EWSR1: variants seen among roughly 807,000 people sequenced by gnomAD.
EWSR1 encodes the protein RNA-binding protein EWS.
A neutral mutation model predicts 92.1 loss-of-function variants in EWSR1; 14 were observed. That is an observed-to-expected ratio of 0.15 (90% CI 0.10 to 0.24). The LOEUF is 0.24. Ranked by LOEUF, EWSR1 falls within the 10% of genes least tolerant of loss-of-function variation. The probability of loss-of-function intolerance (pLI) is 1.00; values close to 1 mark genes in which losing one functional copy is unlikely to be tolerated. For missense variants in EWSR1, 637 were observed against 870.9 expected (o/e 0.73, Z 3.38); for synonymous variants, 303 against 292.9 (o/e 1.03, Z -0.35).
Position 29,297,953 on chromosome 22 carries a change from C to G in EWSR1, c.1417+4C>G. On this transcript the variant is annotated splice_donor_region_variant and intron_variant, in intron 13 of 16. Transcript: ENST00000397938. Reference sequence around the variant, plus strand: ...ATGCCACCACCACTCCGTGGAGGTACTTTTTCTGAGCTCCTATGTTGCATT... The same window carrying G: ...ATGCCACCACCACTCCGTGGAGGTAGTTTTTCTGAGCTCCTATGTTGCATT... The G allele has an allele frequency of 3.1e-6, 5 of 1,610,872 alleles. No homozygotes were observed. Among genetic ancestry groups the G allele is most frequent in the Non-Finnish European group, 4.2e-6 (5 of 1,178,712 alleles).
intron 6 of EWSR1, 81 bp downstream of exon 6, chr22:29,282,638 T>G (rs914736816): frequency 6.5e-6 from 8 of 1,230,440 alleles, no homozygotes; most frequent in Non-Finnish European, 8.8e-6. Flanking sequence ...CTTTGACTTC[T>G]TCAGCTAAGG....
At chr22:29,277,006 T>C in intron 4 of EWSR1, 1 of 230,540 alleles carries the variant, frequency 4.3e-6, no homozygotes, top group Non-Finnish European at 8.6e-6. Context: ...TAACACCTCC[T>C]ACAGGAAAGG....
At chr22:29,289,894 A>G (rs941486261) in intron 8 of EWSR1, 9 of 230,962 alleles carry the variant, frequency 3.9e-5, no homozygotes, top group East Asian at 1.2e-4. Context: ...ATGATTCGGT[A>G]TGAAGTAAAA....
intron 11 of EWSR1, among the ~76,000 whole-genome samples, chr22:29,293,451 C>G (rs2060600463): frequency 6.6e-6 from 1 of 152,148 alleles, no homozygotes; most frequent in Non-Finnish European, 1.5e-5. Context: ...CCTTAAAACC[C>G]CAATTGAATA....
At chr22:29,294,784 C>T (rs1015628032) in intron 11 of EWSR1, among the ~76,000 whole-genome samples, 4 of 150,826 alleles carry the variant, frequency 2.7e-5, no homozygotes, top group East Asian at 4.0e-4. Context: ...TGTGGTGACA[C>T]GCGCCTGTAG....
intron 6 of EWSR1, among the ~76,000 whole-genome samples, chr22:29,283,597 C>T (rs2059788322): frequency 6.6e-6 from 1 of 151,144 alleles, no homozygotes; most frequent in Non-Finnish European, 1.5e-5. Context: ...ACAATCTCGG[C>T]TTACTGCAGT....
chr22:29,298,711 T>G lies in EWSR1; in HGVS notation c.1418-22T>G, dbSNP rs750162917. The G allele has an allele frequency of 1.3e-5, 21 of 1,611,868 alleles. No homozygotes were observed. The South Asian group carries it at 2.3e-4, about 18-fold the overall frequency. ...GGTGCTACAGAGAAATGATTTGCTG[T>G]TTCTTGTTGTTCTTGTTGTAGGTCC... On this transcript the variant is annotated intron_variant, in intron 13 of 16. Coordinates refer to ENST00000397938, the MANE Select transcript of EWSR1 (RefSeq NM_005243.4).
At chr22:29,288,374 T>G (rs1324004233) in intron 7 of EWSR1, among the ~76,000 whole-genome samples, 1 of 152,232 alleles carries the variant, frequency 6.6e-6, no homozygotes, top group Non-Finnish European at 1.5e-5. Context: ...TTGTTGTTAT[T>G]TAGAAGAGGT....
intron 14 of EWSR1, 54 bp from the exon 15 acceptor site, chr22:29,299,180 G>GT (rs2061136670): frequency 6.2e-7 from 1 of 1,613,616 alleles, no homozygotes; most frequent in African/African-American, 1.3e-5. Flanking sequence ...ACCTTTCCTT[G>GT]TTTATCTTCC....
intron 12 of EWSR1, among the ~76,000 whole-genome samples, chr22:29,297,124 C>T (rs1233319062): frequency 6.6e-6 from 1 of 152,180 alleles, no homozygotes. Context: ...GCTTATTTTC[C>T]TCCTTATGGT....
In EWSR1 at chr22:29,271,688, C is replaced by G. The variant is rs1235140876; in HGVS notation, c.14-528C>G. On this transcript the variant is annotated intron_variant, in intron 1 of 16. Transcript: ENST00000397938. Reference sequence around the variant, plus strand: ...TGGAGTGTGGTGACTGCCTTCTTGTCTGCCATTCCGTTTCACTGTCGTTGA... The same window carrying G: ...TGGAGTGTGGTGACTGCCTTCTTGTGTGCCATTCCGTTTCACTGTCGTTGA... Among the ~76,000 whole-genome samples the G allele has an allele frequency of 3.3e-5, 5 of 152,186 alleles. No homozygotes were observed. In the East Asian group the frequency reaches 7.7e-4, roughly 23 times the overall value.
At chr22:29,274,435 A>T in intron 4 of EWSR1, 1 of 749,516 alleles carries the variant, frequency 1.3e-6, no homozygotes, top group South Asian at 1.6e-5. Flanking sequence ...TTCAGGTGCC[A>T]TTTGCAGATC....
intron 15 of EWSR1, 73 bp downstream of exon 15, chr22:29,299,404 A>G: frequency 6.4e-7 from 1 of 1,555,406 alleles, no homozygotes; most frequent in Non-Finnish European, 8.7e-7. Context: ...TGGGCTTGGT[A>G]AACTGCAGTT....
chr22:29,300,386 C>T lies in EWSR1; in HGVS notation c.*225C>T, dbSNP rs149241548. 13 of 476,120 alleles carry T rather than the reference C, an allele frequency of 2.7e-5. No individual in the cohort carries two copies. The highest frequency in any genetic ancestry group is 2.7e-4 in the African/African-American group (13 of 48,972). 29.5% of individuals were successfully genotyped at this position (476,120 alleles called of 1,614,324 possible). A position where few individuals can be genotyped will look rare whatever the true frequency, so the allele number is the denominator to read the frequency against. On this transcript the variant is annotated 3_prime_UTR_variant, in exon 17 of 17. Transcript: ENST00000397938. ...TTCTTTTAAAAATGGTTGTTTAAGA[C>T]TTTAACAATGGGAACCCCTTGTGAG...
chr22:29,287,397 G>A (rs1163961350), intron 7 of EWSR1, among the ~76,000 whole-genome samples: 2 of 152,066 alleles, frequency 1.3e-5, no homozygotes, highest in African/African-American at 2.4e-5. Context: ...TCGTAGAGAC[G>A]GGGTTTCACC....
chr22:29,291,488 C>T (rs1270441563), intron 8 of EWSR1, 74 bp from the exon 9 acceptor site: 7 of 1,454,464 alleles, frequency 4.8e-6, no homozygotes, highest in South Asian at 2.5e-5. Flanking sequence ...TTCTTCCCCA[C>T]GAGCCCCCCC....
intron 3 of EWSR1, 89 bp from the exon 4 acceptor site, chr22:29,273,652 T>C (rs761344760): frequency 2.2e-5 from 31 of 1,440,550 alleles, no homozygotes; most frequent in Non-Finnish European, 2.8e-5. Flanking sequence ...GGAATGTTTT[T>C]GATTTTGGTT....
intron 5 of EWSR1, among the ~76,000 whole-genome samples, chr22:29,280,428 G>A (rs951776078): frequency 6.6e-6 from 1 of 152,134 alleles, no homozygotes; most frequent in Non-Finnish European, 1.5e-5. Context: ...GTCTGCTGCA[G>A]CCTTGATGTA....
chr22:29,282,765 T>C (rs1401332127), intron 6 of EWSR1, among the ~76,000 whole-genome samples: 2 of 151,632 alleles, frequency 1.3e-5, no homozygotes, highest in East Asian at 3.9e-4. Context: ...TTTTTCTTTT[T>C]TTTTTTTTTT....
Sources: allele counts gnomAD v4.1 joint callset (sites outside exome capture counted in the v4.1 genomes callset), GRCh38; gene constraint gnomAD v4.1.1; transcripts MANE v1.5; gene names NCBI Gene and HGNC (gene_info 2026-07-23, HGNC 2026-07-21).